Variants in SYN2 observed in about 807,000 individuals in gnomAD.
SYN2 encodes synapsin-2.
A neutral mutation model predicts 50.9 loss-of-function variants in SYN2; 19 were observed. That is an observed-to-expected ratio of 0.37 (90% CI 0.26 to 0.55). The LOEUF is 0.55. Ranked by LOEUF, SYN2 falls within the 20% of genes least tolerant of loss-of-function variation. SYN2 has a pLI of 0.81. For missense variants in SYN2, 587 were observed against 576.4 expected (o/e 1.02, Z -0.19); for synonymous variants, 255 against 224.9 (o/e 1.13, Z -1.20).
At chr3:12,020,288 T>G (rs1043318317) in intron 1 of SYN2, among the ~76,000 whole-genome samples, 1 of 152,196 alleles carries the variant, frequency 6.6e-6, no homozygotes, top group Non-Finnish European at 1.5e-5. Flanking sequence ...AAGACTGTTC[T>G]CTGCTGGTCT....
chr3:12,161,935 C>G (rs1697658534), intron 6 of SYN2, 77 bp from the exon 7 acceptor site: 1 of 1,577,826 alleles, frequency 6.3e-7, no homozygotes, highest in South Asian at 1.2e-5. Context: ...GGTTTGGAGG[C>G]TCAGGGCCCT....
chr3:12,153,371 C>T, intron 5 of SYN2: 5 of 976,674 alleles, frequency 5.1e-6, no homozygotes, highest in Non-Finnish European at 7.9e-6. Context: ...CCTTCCCTGC[C>T]TTGACAGTGG....
intron 1 of SYN2, among the ~76,000 whole-genome samples, chr3:12,101,379 C>T (rs555974168): frequency 2.0e-5 from 3 of 152,016 alleles, no homozygotes; most frequent in African/African-American, 7.2e-5. Flanking sequence ...TGAGAGAACC[C>T]GGGCACAAAA....
chr3:12,175,309 C>T (rs191911621), intron 10 of SYN2, among the ~76,000 whole-genome samples: 38 of 152,322 alleles, frequency 2.5e-4, no homozygotes, highest in African/African-American at 8.9e-4. Flanking sequence ...GGATTGATGT[C>T]AGGATCCTTT....
intron 5 of SYN2, among the ~76,000 whole-genome samples, chr3:12,157,640 G>A (rs559665281): frequency 6.6e-6 from 1 of 152,284 alleles, no homozygotes; most frequent in South Asian, 2.1e-4. Flanking sequence ...GGGGGACCTG[G>A]AAACACCTCC....
At chr3:12,122,188 A>G (rs1278707939) in intron 1 of SYN2, among the ~76,000 whole-genome samples, 3 of 152,212 alleles carry the variant, frequency 2.0e-5, no homozygotes, top group African/African-American at 7.2e-5. Context: ...ACGAATAAAC[A>G]TTTGCTGAAT....
At chr3:12,039,702 G>A (rs770746927) in intron 1 of SYN2, among the ~76,000 whole-genome samples, 3 of 152,046 alleles carry the variant, frequency 2.0e-5, no homozygotes, top group African/African-American at 7.2e-5. Flanking sequence ...CTTTATGTAT[G>A]TAGTAACAGA....
At chr3:12,036,059 G>A (rs1422848472) in intron 1 of SYN2, among the ~76,000 whole-genome samples, 1 of 152,164 alleles carries the variant, frequency 6.6e-6, no homozygotes, top group East Asian at 1.9e-4. Context: ...AGCCAGCTAG[G>A]TGCCTGGAAT....
chr3:12,039,239 T>C (rs1045974910), intron 1 of SYN2, among the ~76,000 whole-genome samples: 1 of 152,240 alleles, frequency 6.6e-6, no homozygotes, highest in Non-Finnish European at 1.5e-5. Context: ...ATTGTATTCC[T>C]GGAATAAATC....
chr3:12,133,893 A>G (rs544705816), intron 1 of SYN2, among the ~76,000 whole-genome samples: 20 of 152,212 alleles, frequency 1.3e-4, no homozygotes, highest in Non-Finnish European at 2.6e-4. Flanking sequence ...ATTATCCTAG[A>G]ATATTGGCAA....
At chr3:12,067,307 A>T (rs534032394) in intron 1 of SYN2, among the ~76,000 whole-genome samples, 1 of 152,182 alleles carries the variant, frequency 6.6e-6, no homozygotes, top group African/African-American at 2.4e-5. Flanking sequence ...GAAAAAAGGG[A>T]TGTTTTTTCC....
At chr3:12,039,439 A>T (rs1392645812) in intron 1 of SYN2, among the ~76,000 whole-genome samples, 1 of 151,624 alleles carries the variant, frequency 6.6e-6, no homozygotes, top group Non-Finnish European at 1.5e-5. Context: ...CCTTACATAC[A>T]TTATCTTGTT....
chr3:12,028,445 C>T (rs1487796739), intron 1 of SYN2, among the ~76,000 whole-genome samples: 6 of 148,152 alleles, frequency 4.0e-5, no homozygotes, highest in Admixed American at 2.0e-4. Context: ...CCTGAGGAAT[C>T]GCCACACTGA....
intron 1 of SYN2, among the ~76,000 whole-genome samples, chr3:12,123,632 G>A (rs1574952686): frequency 6.6e-6 from 1 of 152,048 alleles, no homozygotes; most frequent in Non-Finnish European, 1.5e-5. Context: ...ACACACACAC[G>A]AGGATAAGAT....
chr3:12,150,046 TC>T (rs1289317574), intron 4 of SYN2, among the ~76,000 whole-genome samples: 76 of 152,296 alleles, frequency 5.0e-4, no homozygotes, highest in African/African-American at 1.8e-3. Context: ...ACAACCCAGT[TC>T]CGAGCTTTTA....
chr3:12,056,867 G>A (rs541325390), intron 1 of SYN2, among the ~76,000 whole-genome samples: 154 of 152,218 alleles, frequency 1.0e-3, no homozygotes, highest in South Asian at 3.5e-3. Flanking sequence ...TGTGTCCTTT[G>A]TGTATATTAA....
chr3:12,159,132 C>T lies in SYN2; in HGVS notation c.775-2414C>T, dbSNP rs986478197. ...AAGCGATCTGGAAGCAGAGGGGAAG[C>T]ACTGGGAGAGGGGATGGTGTCAAGG... On this transcript the variant is annotated intron_variant, in intron 5 of 12. Coordinates refer to ENST00000621198, the MANE Select transcript of SYN2 (RefSeq NM_133625.6). 1.5e-5 allele frequency: 6 copies of T among 408,400 alleles called. No homozygotes were observed. The East Asian group carries it at 2.4e-4, about 16-fold the overall frequency. The allele number at this position is 408,400 out of a possible 1,614,324, so 25.3% of individuals were successfully genotyped here.
intron 10 of SYN2, 149 bp from the exon 11 acceptor site, chr3:12,183,162 TG>T: frequency 8.8e-7 from 1 of 1,140,440 alleles, no homozygotes; most frequent in Non-Finnish European, 1.2e-6. Flanking sequence ...AAAGTGTTTC[TG>T]GAGCAGCAGA....
In SYN2 at chr3:12,017,258, T is replaced by G. The variant is rs115056473; in HGVS notation, c.377+12330T>G. On this transcript the variant is annotated intron_variant, in intron 1 of 12. Coordinates refer to ENST00000621198, the MANE Select transcript of SYN2 (RefSeq NM_133625.6). ...ACAAGGTGGGAAAAATGATAATACA[T>G]AATGTATTGGGCATGTATTTTGTGA... 6.5e-3 allele frequency among the ~76,000 whole-genome samples: 992 copies of G among 152,292 alleles called. 7 individuals are homozygous for G. Among genetic ancestry groups the G allele is most frequent in the African/African-American group, 0.023 (943 of 41,570 alleles).
Sources: gnomAD v4.1 joint callset for allele counts (sites outside exome capture counted in the v4.1 genomes callset) on GRCh38, gnomAD v4.1.1 for gene constraint, MANE v1.5 for transcripts, NCBI Gene and HGNC (gene_info 2026-07-23, HGNC 2026-07-21) for gene names.